Variants in CRTC1 observed in about 807,000 individuals in gnomAD.
CRTC1 encodes CREB-regulated transcription coactivator 1.
In CRTC1, 18 loss-of-function variants were observed where a neutral mutation model predicts 66.1. That is an observed-to-expected ratio of 0.27 (90% CI 0.19 to 0.40). The LOEUF (loss-of-function observed/expected upper bound fraction) is 0.40. Ranked by LOEUF, CRTC1 falls within the 10% of genes least tolerant of loss-of-function variation. The pLI is 1.00. For missense variants in CRTC1, 669 were observed against 887.9 expected (o/e 0.75, Z 3.13); for synonymous variants, 416 against 398.8 (o/e 1.04, Z -0.51).
chr19:18,739,395 G>T (rs533231962), intron 1 of CRTC1, among the ~76,000 whole-genome samples: 3 of 152,268 alleles, frequency 2.0e-5, no homozygotes, highest in Admixed American at 6.5e-5. Flanking sequence ...CCAAGCTGCC[G>T]CCTGAGGCCT....
intron 6 of CRTC1, among the ~76,000 whole-genome samples, chr19:18,756,000 A>G (rs1212021488): frequency 6.6e-6 from 1 of 152,084 alleles, no homozygotes. Flanking sequence ...TGGCACAAAG[A>G]GTCACTGAGA....
chr19:18,684,386 C>T (rs1431261158), intron 1 of CRTC1, among the ~76,000 whole-genome samples: 1 of 152,016 alleles, frequency 6.6e-6, no homozygotes, highest in African/African-American at 2.4e-5. Context: ...TGAGGGGGAC[C>T]GGTGTCTCTA....
intron 6 of CRTC1, 36 bp downstream of exon 6, chr19:18,753,621 T>G (rs753389674): frequency 6.7e-7 from 1 of 1,501,346 alleles, no homozygotes. Context: ...CTTTTTTTCT[T>G]CTTTCTCTTC....
Position 18,781,508 on chromosome 19 carries a change from TC to T in CRTC1, c.*4128del, listed in dbSNP as rs994481449. The T allele has an allele frequency of 1.3e-5, 3 of 228,948 alleles. No homozygotes were observed. Among genetic ancestry groups the T allele is most frequent in the African/African-American group, 6.7e-5 (3 of 44,956 alleles). 14.2% of individuals were successfully genotyped at this position (228,948 alleles called of 1,614,324 possible). On this transcript the variant is annotated 3_prime_UTR_variant, in exon 14 of 14. Transcript: ENST00000321949. The stretch of plus-strand genomic sequence containing the variant: ...GCAGGGGTCAGGCACCCCATACTCT[TC>T]CGTGTGGCACAGGTGTCCACCCACC...
chr19:18,757,113 C>G (rs1457931337), intron 6 of CRTC1, among the ~76,000 whole-genome samples: 1 of 152,184 alleles, frequency 6.6e-6, no homozygotes, highest in African/African-American at 2.4e-5. Flanking sequence ...TCGCCTTTTT[C>G]ATCTGATAAT....
chr19:18,688,098 C>A (rs1034663897), intron 1 of CRTC1, among the ~76,000 whole-genome samples: 3 of 152,052 alleles, frequency 2.0e-5, no homozygotes, highest in Non-Finnish European at 4.4e-5. Context: ...ACAGGGCATA[C>A]GGGGCTGTGT....
At chr19:18,752,256 G>A (rs989922501) in intron 5 of CRTC1, among the ~76,000 whole-genome samples, 1 of 152,084 alleles carries the variant, frequency 6.6e-6, no homozygotes, top group African/African-American at 2.4e-5. Context: ...TGAGGCCCAC[G>A]TTGGTTCAGC....
At position 18,768,838 on chromosome 19, in the gene CRTC1, T is replaced by C; in HGVS notation, c.1320+45T>C. The C allele has an allele frequency of 1.3e-6, 2 of 1,551,866 alleles. No homozygotes were observed. Among genetic ancestry groups the C allele is most frequent in the South Asian group, 1.2e-5 (1 of 83,196 alleles). Reference sequence around the variant, plus strand: ...CCTCGGGGCCTGACTGGGGGTCTTGTAGAGGACAGCCCGGGGGCTGCAGAA... The same window carrying C: ...CCTCGGGGCCTGACTGGGGGTCTTGCAGAGGACAGCCCGGGGGCTGCAGAA... On this transcript the variant is annotated intron_variant, in intron 10 of 13. Coordinates refer to ENST00000321949, the MANE Select transcript of CRTC1 (RefSeq NM_015321.3). This position sits in a 1 kb window ranked among gnomAD's most constrained non-coding sequence, Gnocchi z 5.6.
chr19:18,721,492 CTTTT>C (rs56049346), intron 1 of CRTC1, among the ~76,000 whole-genome samples: 21 of 122,054 alleles, frequency 1.7e-4, no homozygotes, highest in African/African-American at 2.3e-4. Context: ...CACACCCGGC[CTTTT>C]TTTTTTTTTT....
intron 1 of CRTC1, among the ~76,000 whole-genome samples, chr19:18,739,590 G>T (rs1271710133): frequency 6.6e-6 from 1 of 152,208 alleles, no homozygotes; most frequent in Non-Finnish European, 1.5e-5. Context: ...CTGGCTGCTG[G>T]GTTCACGGAG....
At chr19:18,705,079 C>T (rs1470602857) in intron 1 of CRTC1, among the ~76,000 whole-genome samples, 1 of 151,962 alleles carries the variant, frequency 6.6e-6, no homozygotes, top group Non-Finnish European at 1.5e-5. Context: ...GCATAATGTC[C>T]TCAAGGTTCG....
intron 1 of CRTC1, among the ~76,000 whole-genome samples, chr19:18,695,204 G>T (rs964643661): frequency 6.6e-6 from 1 of 151,818 alleles, no homozygotes; most frequent in Non-Finnish European, 1.5e-5. Flanking sequence ...TGGGGGTTTC[G>T]CCATGTTTGC....
chr19:18,763,459 C>T (rs966252669), intron 8 of CRTC1, among the ~76,000 whole-genome samples: 2 of 152,222 alleles, frequency 1.3e-5, no homozygotes, highest in East Asian at 1.9e-4. Flanking sequence ...AGGGCCCTAC[C>T]GTCTGGCCGA....
At chr19:18,756,108 TG>T (rs1237401062) in intron 6 of CRTC1, among the ~76,000 whole-genome samples, 2 of 151,734 alleles carry the variant, frequency 1.3e-5, no homozygotes, top group Non-Finnish European at 2.9e-5. Context: ...CCGAGGCTGG[TG>T]GATCACCTGA....
rs77662468 is a variant in CRTC1 at position 18,778,649 on chromosome 19, C to G, written c.*1267C>G. On this transcript the variant is annotated 3_prime_UTR_variant, in exon 14 of 14. Transcript: ENST00000321949. ...GAGGGTCTCTCAAAGACCCAGCCTG[C>G]CAGCCTCTCCCAGAGGTGCCTGCTA... 8.4e-3 allele frequency: 1,943 copies of G among 230,466 alleles called. 8 individuals carry two copies. Among genetic ancestry groups the G allele is most frequent in the Non-Finnish European group, 0.013 (1,559 of 116,244 alleles). 14.3% of individuals were successfully genotyped at this position (230,466 alleles called of 1,614,324 possible).
intron 1 of CRTC1, among the ~76,000 whole-genome samples, chr19:18,688,386 A>C (rs961680408): frequency 6.6e-6 from 1 of 151,826 alleles, no homozygotes; most frequent in Non-Finnish European, 1.5e-5. Flanking sequence ...AAGAGCTTGG[A>C]TCTCCCCTGA....
chr19:18,752,084 C>T (rs888789615), intron 5 of CRTC1, among the ~76,000 whole-genome samples: 1 of 147,998 alleles, frequency 6.8e-6, no homozygotes, highest in African/African-American at 2.5e-5. Flanking sequence ...ACCCAGTAGG[C>T]GCAGGTTGCA....
chr19:18,723,641 TGA>T (rs1332203585), intron 1 of CRTC1, among the ~76,000 whole-genome samples: 1 of 152,220 alleles, frequency 6.6e-6, no homozygotes, highest in Non-Finnish European at 1.5e-5. Flanking sequence ...ATAAAAGACC[TGA>T]GAGAGAACTC....
chr19:18,712,254 C>CGTTT (rs36061828), intron 1 of CRTC1, among the ~76,000 whole-genome samples: 19,257 of 150,510 alleles, frequency 0.13, 1,332 homozygotes, highest in Non-Finnish European at 0.15. Flanking sequence ...CCCAGTTAGA[C>CGTTT]GTTTGTTTGT....
Sources: gnomAD v4.1 joint callset for allele counts (sites outside exome capture counted in the v4.1 genomes callset) on GRCh38, gnomAD v4.1.1 for gene constraint, Gnocchi (gnomAD v3.1) non-coding constraint, MANE v1.5 for transcripts, NCBI Gene and HGNC (gene_info 2026-07-23, HGNC 2026-07-21) for gene names.